KCND3: variants seen among roughly 807,000 people sequenced by gnomAD.
KCND3 encodes the protein potassium voltage-gated channel subfamily D member 3.
KCND3 carries 9 observed loss-of-function variants against 51.1 expected under a neutral mutation model. That is an observed-to-expected ratio of 0.18 (90% CI 0.11 to 0.31). KCND3 has a LOEUF of 0.31. Ranked by LOEUF, KCND3 falls within the 10% of genes least tolerant of loss-of-function variation. The pLI is 1.00. For missense variants in KCND3, 526 were observed against 903.8 expected (o/e 0.58, Z 5.36); for synonymous variants, 349 against 368.0 (o/e 0.95, Z 0.59).
chr1:111,932,654 C>T (rs1217048837), intron 2 of KCND3, among the ~76,000 whole-genome samples: 1 of 152,210 alleles, frequency 6.6e-6, no homozygotes, highest in Non-Finnish European at 1.5e-5. Flanking sequence ...GTTTATTTCA[C>T]CCAGCACTGT....
At chr1:111,806,383 G>T (rs1415194261) in intron 2 of KCND3, among the ~76,000 whole-genome samples, 3 of 152,122 alleles carry the variant, frequency 2.0e-5, no homozygotes, top group African/African-American at 7.2e-5. Flanking sequence ...TGGCTTTTAT[G>T]CTCCTCTTTT....
At chr1:111,834,137 G>T (rs1316319853) in intron 2 of KCND3, among the ~76,000 whole-genome samples, 4 of 152,212 alleles carry the variant, frequency 2.6e-5, no homozygotes, top group Non-Finnish European at 5.9e-5. Flanking sequence ...AGTGAAGGGG[G>T]TTACAGATCT....
At chr1:111,897,974 C>T (rs181469414) in intron 2 of KCND3, among the ~76,000 whole-genome samples, 3 of 152,298 alleles carry the variant, frequency 2.0e-5, no homozygotes, top group Non-Finnish European at 2.9e-5. Flanking sequence ...TCCATAAACA[C>T]GGTCTCTCTC....
At position 111,968,086 on chromosome 1, in the gene KCND3, G is replaced by T. The variant is rs983997134; in HGVS notation, c.1106+13535C>A. Among the ~76,000 whole-genome samples, 3 of 152,212 alleles carry T rather than the reference G, an allele frequency of 2.0e-5. No homozygotes were observed. In the East Asian group the frequency reaches 5.8e-4, roughly 29 times the overall value. ...ATATTCAGAAAGACACACACAATGC[G>T]TGGGGGTGAGAAGGAGGGAGGTGGG... On this transcript the variant is annotated intron_variant, in intron 2 of 7. Transcript: ENST00000302127.
chr1:111,881,305 G>A (rs562244332), intron 2 of KCND3, among the ~76,000 whole-genome samples: 5 of 152,234 alleles, frequency 3.3e-5, no homozygotes, highest in African/African-American at 9.6e-5. Flanking sequence ...TGAGCTCCTC[G>A]GCTCTCTCCC....
At chr1:111,817,127 T>C (rs1196450498) in intron 2 of KCND3, among the ~76,000 whole-genome samples, 1 of 152,136 alleles carries the variant, frequency 6.6e-6, no homozygotes, top group African/African-American at 2.4e-5. Flanking sequence ...TCGATGTTTT[T>C]TCCCTTAACT....
intron 2 of KCND3, among the ~76,000 whole-genome samples, chr1:111,838,558 G>A (rs1667177813): frequency 6.6e-6 from 1 of 152,142 alleles, no homozygotes. Context: ...TCGGGAGGCT[G>A]AGGCAGGAGA....
intron 2 of KCND3, among the ~76,000 whole-genome samples, chr1:111,864,000 G>C (rs988174525): frequency 6.6e-6 from 1 of 152,166 alleles, no homozygotes; most frequent in African/African-American, 2.4e-5. Flanking sequence ...AATCTGGGCT[G>C]ACTTGGAGCT....
At chr1:111,792,033 GTCGAGT>G (rs762730685) in intron 2 of KCND3, among the ~76,000 whole-genome samples, 36 of 152,224 alleles carry the variant, frequency 2.4e-4, no homozygotes, top group Non-Finnish European at 1.3e-4. Context: ...AGGCTGCTGT[GTCGAGT>G]TCCAGGCACT....
chr1:111,871,191 C>G (rs1477027558), intron 2 of KCND3, among the ~76,000 whole-genome samples: 1 of 152,142 alleles, frequency 6.6e-6, no homozygotes, highest in Non-Finnish European at 1.5e-5. Flanking sequence ...TGAGTTGCAA[C>G]TTGGTTCTGT....
chr1:111,892,375 C>T (rs895315139), intron 2 of KCND3, among the ~76,000 whole-genome samples: 1 of 152,196 alleles, frequency 6.6e-6, no homozygotes, highest in Admixed American at 6.5e-5. Context: ...TGAGCCAGCT[C>T]TCCAATGTGT....
chr1:111,945,035 T>G (rs1355213600), intron 2 of KCND3, among the ~76,000 whole-genome samples: 1 of 151,980 alleles, frequency 6.6e-6, no homozygotes, highest in Non-Finnish European at 1.5e-5. Flanking sequence ...TCAACAGATA[T>G]TTGAGGAAGG....
At chr1:111,868,510 C>G (rs1668683725) in intron 2 of KCND3, among the ~76,000 whole-genome samples, 1 of 152,170 alleles carries the variant, frequency 6.6e-6, no homozygotes, top group South Asian at 2.1e-4. Context: ...TACCCGTGGT[C>G]TCAGGTGGCC....
chr1:111,845,356 C>T (rs1271703046), intron 2 of KCND3, among the ~76,000 whole-genome samples: 1 of 152,192 alleles, frequency 6.6e-6, no homozygotes, highest in East Asian at 1.9e-4. Flanking sequence ...TCTTCTCCTA[C>T]TCCATCCACT....
chr1:111,871,202 A>G (rs1668813604), intron 2 of KCND3, among the ~76,000 whole-genome samples: 1 of 152,218 alleles, frequency 6.6e-6, no homozygotes, highest in South Asian at 2.1e-4. Context: ...TTGGTTCTGT[A>G]AGTAGAGAGT....
At chr1:111,939,209 C>T (rs1672368104) in intron 2 of KCND3, among the ~76,000 whole-genome samples, 1 of 152,146 alleles carries the variant, frequency 6.6e-6, no homozygotes, top group Admixed American at 6.5e-5. Flanking sequence ...CCCTCAGGCC[C>T]CACAAGGTGA....
At chr1:111,989,016 G>C (rs1218564933) in intron 1 of KCND3, 3 of 152,190 alleles carry the variant, frequency 2.0e-5, no homozygotes, top group Admixed American at 1.3e-4. Flanking sequence ...CCCAGAGCTC[G>C]CGGGGTGGAA....
At position 111,773,192 on chromosome 1, in the gene KCND3, TTC is replaced by T. The variant is rs1663986106; in HGVS notation, c.*2883_*2884del. 6.6e-6 allele frequency: 1 copy of T among 152,136 alleles called. No individual in the cohort carries two copies. Among genetic ancestry groups the T allele is most frequent in the South Asian group, 2.1e-4 (1 of 4,828 alleles). The allele number at this position is 152,136 out of a possible 1,614,324, so 9.4% of individuals were successfully genotyped here. On this transcript the variant is annotated 3_prime_UTR_variant, in exon 8 of 8. Coordinates refer to ENST00000302127, the MANE Select transcript of KCND3 (RefSeq NM_001378969.1). Reference sequence around the variant, plus strand: ...CGTGAAGTGGAAGGAACACAAAACATTCTGTTGATTAGGACCAATAAAAAAAC... The same window carrying T: ...CGTGAAGTGGAAGGAACACAAAACATTGTTGATTAGGACCAATAAAAAAAC...
chr1:111,843,709 G>T (rs913218596), intron 2 of KCND3, among the ~76,000 whole-genome samples: 1 of 152,106 alleles, frequency 6.6e-6, no homozygotes, highest in Admixed American at 6.6e-5. Context: ...ATAGAACTAG[G>T]GTTGCAAAAA....
Sources: allele counts gnomAD v4.1 joint callset (sites outside exome capture counted in the v4.1 genomes callset), GRCh38; gene constraint gnomAD v4.1.1; transcripts MANE v1.5; gene names NCBI Gene and HGNC (gene_info 2026-07-23, HGNC 2026-07-21).